The following MALRD1 variants were observed in gnomAD, a reference collection of about 807,000 sequenced individuals.
The protein encoded by MALRD1 is MAM and LDL-receptor class A domain-containing protein 1.
In MALRD1, 247 loss-of-function variants were observed where a neutral mutation model predicts 242.1. The ratio of observed to expected loss-of-function variants is 1.02; its 90% confidence interval spans 0.92 to 1.13. The LOEUF is 1.13. Ranked by LOEUF, MALRD1 falls within the 50% of genes most tolerant of loss-of-function variation. The pLI is 0.00. For synonymous variants in MALRD1, 995 were observed against 866.6 expected (o/e 1.15, Z -2.60); for missense variants, 2,989 against 2,533.1 (o/e 1.18, Z -3.86).
intron 14 of MALRD1, among the ~76,000 whole-genome samples, chr10:19,195,178 TA>T (rs1181513543): frequency 6.6e-6 from 1 of 152,204 alleles, no homozygotes; most frequent in Non-Finnish European, 1.5e-5. Context: ...AGCCATCTAC[TA>T]GGGGGTCTTG....
intron 18 of MALRD1, among the ~76,000 whole-genome samples, chr10:19,225,695 C>G (rs1483382527): frequency 6.6e-6 from 1 of 152,080 alleles, no homozygotes; most frequent in Non-Finnish European, 1.5e-5. Context: ...AAGTATAAGC[C>G]CTTCTAAAGC....
chr10:19,182,154 A>G (rs1014855044), intron 14 of MALRD1, among the ~76,000 whole-genome samples: 1 of 152,060 alleles, frequency 6.6e-6, no homozygotes, highest in Non-Finnish European at 1.5e-5. Context: ...TCTGATATAC[A>G]TTAAGACTGT....
At chr10:19,715,393 A>G (rs1834337174) in intron 38 of MALRD1, among the ~76,000 whole-genome samples, 1 of 150,680 alleles carries the variant, frequency 6.6e-6, no homozygotes, top group African/African-American at 2.4e-5. Context: ...AAGTATATAT[A>G]TAATATTTAT....
intron 36 of MALRD1, among the ~76,000 whole-genome samples, chr10:19,645,164 CA>C (rs1564512228): frequency 1.3e-5 from 2 of 152,028 alleles, no homozygotes; most frequent in Admixed American, 6.6e-5. Flanking sequence ...AAATGCAAAT[CA>C]AAACCGCAAT....
intron 27 of MALRD1, among the ~76,000 whole-genome samples, chr10:19,388,765 C>G (rs1238288864): frequency 6.7e-6 from 1 of 149,166 alleles, no homozygotes; most frequent in Non-Finnish European, 1.5e-5. Context: ...GGTGAAGGAA[C>G]TTTTTTCCTT....
intron 31 of MALRD1, among the ~76,000 whole-genome samples, chr10:19,499,497 T>C (rs1233869287): frequency 6.6e-6 from 1 of 150,738 alleles, no homozygotes; most frequent in Non-Finnish European, 1.5e-5. Flanking sequence ...CCCAAGGGAA[T>C]GTCTTCAGAT....
intron 38 of MALRD1, among the ~76,000 whole-genome samples, chr10:19,698,816 T>G (rs1202745877): frequency 6.6e-6 from 1 of 152,100 alleles, no homozygotes; most frequent in Non-Finnish European, 1.5e-5. Context: ...GAGTATTCTG[T>G]CCCAGCAAGT....
At chr10:19,704,666 C>T (rs757416380) in intron 38 of MALRD1, among the ~76,000 whole-genome samples, 9 of 152,272 alleles carry the variant, frequency 5.9e-5, no homozygotes, top group East Asian at 1.9e-4. Context: ...CTTCCACAAA[C>T]GTTTATTAAG....
At chr10:19,144,958 G>A (rs746113000) in intron 10 of MALRD1, among the ~76,000 whole-genome samples, 4 of 152,146 alleles carry the variant, frequency 2.6e-5, no homozygotes, top group Non-Finnish European at 4.4e-5. Context: ...AACTATGGGT[G>A]TTTTCTGACA....
chr10:19,109,461 G>A (rs1179681408), intron 5 of MALRD1, among the ~76,000 whole-genome samples: 1 of 152,174 alleles, frequency 6.6e-6, no homozygotes, highest in African/African-American at 2.4e-5. Flanking sequence ...TGGCAAGATT[G>A]CCTATAATTT....
At chr10:19,535,875 G>T (rs984258395) in intron 32 of MALRD1, among the ~76,000 whole-genome samples, 1 of 152,110 alleles carries the variant, frequency 6.6e-6, no homozygotes, top group Admixed American at 6.5e-5. Flanking sequence ...GATTACAATT[G>T]TCTGAAAGTA....
intron 19 of MALRD1, among the ~76,000 whole-genome samples, chr10:19,259,919 C>A (rs72796430): frequency 0.084 from 12,803 of 152,064 alleles, 634 homozygotes; most frequent in Middle Eastern, 0.12. Context: ...GGTTAAATTT[C>A]TATTTTCCCC....
chr10:19,604,722 C>T (rs1483775277), intron 34 of MALRD1, among the ~76,000 whole-genome samples: 1 of 152,128 alleles, frequency 6.6e-6, no homozygotes, highest in African/African-American at 2.4e-5. Context: ...AAGTCAATGC[C>T]TGGCTTAACT....
chr10:19,409,085 G>A (rs1364781565), intron 28 of MALRD1, among the ~76,000 whole-genome samples: 4 of 152,144 alleles, frequency 2.6e-5, no homozygotes, highest in African/African-American at 9.7e-5. Flanking sequence ...CAACCCAGAT[G>A]GCCTTCAGTG....
chr10:19,568,184 TA>T (rs1297704175), intron 33 of MALRD1, among the ~76,000 whole-genome samples: 1 of 152,312 alleles, frequency 6.6e-6, no homozygotes, highest in South Asian at 2.1e-4. Context: ...ACACCTTTTC[TA>T]AAAAAGTCAC....
intron 29 of MALRD1, among the ~76,000 whole-genome samples, chr10:19,458,185 CTT>C (rs1278271622): frequency 2.6e-5 from 4 of 152,104 alleles, no homozygotes; most frequent in African/African-American, 9.7e-5. Context: ...TTAAATGAAA[CTT>C]TACTTATTGG....
chr10:19,172,115 A>C (rs1309386278), intron 13 of MALRD1, among the ~76,000 whole-genome samples: 13 of 144,702 alleles, frequency 9.0e-5, no homozygotes, highest in Non-Finnish European at 1.7e-4. Context: ...TTGGTTATGT[A>C]TATACATATA....
chr10:19,308,502 C>T (rs578160536), intron 21 of MALRD1, among the ~76,000 whole-genome samples: 1 of 151,526 alleles, frequency 6.6e-6, no homozygotes, highest in South Asian at 2.1e-4. Context: ...ATAAACTTGG[C>T]CTAGGGGGAG....
At chr10:19,450,262 T>C in intron 28 of MALRD1, 45 bp from the exon 29 acceptor site, 1 of 1,494,560 alleles carries the variant, frequency 6.7e-7, no homozygotes, top group Non-Finnish European at 9.0e-7. Flanking sequence ...CATCATCTTC[T>C]TTTGTGTTTG....
Sources: gnomAD v4.1 joint callset for allele counts (sites outside exome capture counted in the v4.1 genomes callset) on GRCh38, gnomAD v4.1.1 for gene constraint, MANE v1.5 for transcripts, NCBI Gene and HGNC (gene_info 2026-07-23, HGNC 2026-07-21) for gene names.